MYNN: variants seen among roughly 807,000 people sequenced by gnomAD.
The protein encoded by MYNN is zinc finger and BTB domain-containing protein 31.
In MYNN, 22 loss-of-function variants were observed where a neutral mutation model predicts 57.2. That is an observed-to-expected ratio of 0.38 (90% CI 0.27 to 0.55). MYNN has a LOEUF of 0.55. Ranked by LOEUF, MYNN falls within the 20% of genes least tolerant of loss-of-function variation. MYNN has a pLI of 0.71. For missense variants in MYNN, 566 were observed against 723.1 expected (o/e 0.78, Z 2.49); for synonymous variants, 241 against 257.1 (o/e 0.94, Z 0.60).
At chr3:169,775,675 A>G (rs1180787299) in intron 2 of MYNN, among the ~76,000 whole-genome samples, 2 of 151,644 alleles carry the variant, frequency 1.3e-5, no homozygotes, top group African/African-American at 4.8e-5. Flanking sequence ...TTAATTCCAC[A>G]TTTCTCGGAG....
chr3:169,784,851 G>A (rs1778625861), intron 7 of MYNN, 143 bp downstream of exon 7: 1 of 402,452 alleles, frequency 2.5e-6, no homozygotes, highest in South Asian at 8.7e-5. Flanking sequence ...ATATACATGT[G>A]AGGAAAGTAG....
intron 4 of MYNN, 144 bp downstream of exon 4, chr3:169,780,893 G>A (rs1778492426): frequency 4.1e-6 from 3 of 724,756 alleles, no homozygotes; most frequent in Admixed American, 3.5e-5. Context: ...GAACCACAAG[G>A]AAGCCACAGT....
chr3:169,781,232 C>T, intron 4 of MYNN, among the ~76,000 whole-genome samples: 1 of 152,126 alleles, frequency 6.6e-6, no homozygotes, highest in East Asian at 1.9e-4. Flanking sequence ...TGGGCCTGAA[C>T]CCCTATAAAG....
intron 6 of MYNN, chr3:169,783,765 G>T: frequency 1.6e-6 from 1 of 626,700 alleles, no homozygotes; most frequent in Non-Finnish European, 3.0e-6. Flanking sequence ...TTAAAGAATT[G>T]TGTTGGTTTT....
At position 169,779,033 on chromosome 3, in the gene MYNN, C is replaced by T; in HGVS notation, c.532C>T (p.Gln178Ter). ...KQGALAKKSS[Q>*]TKKKKKAFNS... ...AGGCGCGTTAGCGAAAAAGTCATCTCAAACGAAAAAGAAGAAGAAGGCTTT... is the reference window on the plus strand; with the variant it reads ...AGGCGCGTTAGCGAAAAAGTCATCTTAAACGAAAAAGAAGAAGAAGGCTTT... Residue 178 changes from glutamine to a stop codon, truncating the protein, a stop_gained, in exon 3 of 8, where the codon CAA (glutamine) becomes TAA (stop). Transcript: ENST00000349841. LOFTEE classifies it high-confidence loss of function. 1 of 1,613,968 alleles carries T rather than the reference C, an allele frequency of 6.2e-7. No homozygotes were observed. Among genetic ancestry groups the T allele is most frequent in the Non-Finnish European group, 8.5e-7 (1 of 1,180,016 alleles).
At chr3:169,778,203 C>G (rs1778403873) in intron 2 of MYNN, 1 of 152,740 alleles carries the variant, frequency 6.5e-6, no homozygotes, top group South Asian at 2.1e-4. Context: ...AGAAGAATAC[C>G]CCATCTCAAA....
rs1379210791 is a variant in MYNN at position 169,787,826 on chromosome 3, T to C, written c.*1148T>C. 6.6e-6 allele frequency: 1 copy of C among 152,114 alleles called. No homozygotes were observed. Among genetic ancestry groups the C allele is most frequent in the East Asian group, 1.9e-4 (1 of 5,206 alleles). The allele number at this position is 152,114 out of a possible 1,614,324, so 9.4% of individuals were successfully genotyped here. On this transcript the variant is annotated 3_prime_UTR_variant, in exon 8 of 8. Transcript: ENST00000349841. Reference sequence around the variant, plus strand: ...GAATGTAGAAAATTCGTTATTATCCTGATATTTGCACCACTCATCCCCATG... The same window carrying C: ...GAATGTAGAAAATTCGTTATTATCCCGATATTTGCACCACTCATCCCCATG...
rs1217863172 is a variant in MYNN at position 169,774,527 on chromosome 3, G to C, written c.232G>C (p.Glu78Gln). Residue 78 changes from glutamate to glutamine, a missense_variant, in exon 2 of 8, where the codon GAG becomes CAG. Physicochemically the swap from Glu to Gln is conservative, Grantham distance 29. Coordinates refer to ENST00000349841, the MANE Select transcript of MYNN (RefSeq NM_018657.5). ...GGCTGATGGATTTCAGAAACTGTTG[G>C]AGTTTATATACACAGGAACTTTAAA... ...VKADGFQKLL[E>Q]FIYTGTLNLD... is the part of the protein sequence containing the mutation. 1 of 1,613,822 alleles carries C rather than the reference G, an allele frequency of 6.2e-7. No homozygotes were observed. The highest frequency in any genetic ancestry group is 1.3e-5 in the African/African-American group (1 of 74,916).
chr3:169,780,320 A>G (rs1778474094), intron 3 of MYNN: 1 of 237,552 alleles, frequency 4.2e-6, no homozygotes, highest in African/African-American at 2.3e-5. Flanking sequence ...CGCCTTCCAA[A>G]GTGCTGGGAT....
chr3:169,778,402 A>T (rs1437722151), intron 2 of MYNN: 1 of 169,456 alleles, frequency 5.9e-6, no homozygotes, highest in African/African-American at 2.4e-5. Flanking sequence ...GCCAATCCAG[A>T]AAAGTTGGTT....
chr3:169,786,259 T>C (rs1158929859), intron 7 of MYNN, among the ~76,000 whole-genome samples, 157 bp from the exon 8 acceptor site: 1 of 152,028 alleles, frequency 6.6e-6, no homozygotes, highest in Non-Finnish European at 1.5e-5. Context: ...TGAATTTACA[T>C]AGATAGTGAG....
At chr3:169,775,297 G>A (rs1028288507) in intron 2 of MYNN, among the ~76,000 whole-genome samples, 2 of 152,108 alleles carry the variant, frequency 1.3e-5, no homozygotes, top group Non-Finnish European at 2.9e-5. Flanking sequence ...CCTGTATAAC[G>A]AACCATATAA....
chr3:169,786,284 A>G, intron 7 of MYNN, 132 bp from the exon 8 acceptor site: 1 of 852,542 alleles, frequency 1.2e-6, no homozygotes, highest in Non-Finnish European at 1.8e-6. Context: ...GCATATGTAC[A>G]AAAGAGAAAC....
chr3:169,783,036 A>T (rs1179243384), intron 5 of MYNN, among the ~76,000 whole-genome samples: 6 of 152,106 alleles, frequency 3.9e-5, no homozygotes, highest in Non-Finnish European at 8.8e-5. Context: ...TCCTACACAG[A>T]TATTCTGGGA....
Position 169,787,936 on chromosome 3 carries a change from CCAAT to C in MYNN, c.*1262_*1265del, listed in dbSNP as rs1308383717. ...TTCCACAAAGTCAATTTTTATAGTG[CCAAT>C]CAAACAGCATGGTGATATTCTTTTT... On this transcript the variant is annotated 3_prime_UTR_variant, in exon 8 of 8. Coordinates refer to ENST00000349841, the MANE Select transcript of MYNN (RefSeq NM_018657.5). 1.3e-5 allele frequency: 2 copies of C among 152,050 alleles called. No homozygotes were observed. Among genetic ancestry groups the C allele is most frequent in the African/African-American group, 2.4e-5 (1 of 41,420 alleles). The allele number at this position is 152,050 out of a possible 1,614,324, so 9.4% of individuals were successfully genotyped here. A position where few individuals can be genotyped will look rare whatever the true frequency, so the allele number is the denominator to read the frequency against.
chr3:169,786,424 A>C lies in MYNN; in HGVS notation c.1579A>C (p.Lys527Gln), dbSNP rs777747682. 6.2e-7 allele frequency: 1 copy of C among 1,609,816 alleles called. No homozygotes were observed. The highest frequency in any genetic ancestry group is 1.1e-5 in the South Asian group (1 of 90,880). Residue 527 changes from lysine to glutamine, a missense_variant, in exon 8 of 8, where the codon AAA becomes CAA. Lys to Gln is a moderately conservative substitution (Grantham distance 53). Coordinates refer to ENST00000349841, the MANE Select transcript of MYNN (RefSeq NM_018657.5). Reference protein sequence around the residue: ...HKTKVHSGADKTLDSSAEDHT... With the variant: ...HKTKVHSGADQTLDSSAEDHT... ...TTTTCCTTCCATTCTAGGTGCAGAT[A>C]AAACTCTAGACTCCAGTGCAGAGGA...
intron 3 of MYNN, chr3:169,780,265 A>C (rs1778471137): frequency 5.9e-6 from 1 of 168,552 alleles, no homozygotes; most frequent in South Asian, 1.7e-4. Context: ...TCACCATGTT[A>C]GCCAGGATGG....
intron 3 of MYNN, chr3:169,779,942 T>C (rs780551956): frequency 2.6e-4 from 54 of 205,692 alleles, no homozygotes; most frequent in Non-Finnish European, 5.0e-4. Flanking sequence ...CTTCTGAACA[T>C]GTTCATTGGA....
At chr3:169,781,075 G>A (rs1456995813) in intron 4 of MYNN, among the ~76,000 whole-genome samples, 1 of 152,214 alleles carries the variant, frequency 6.6e-6, no homozygotes, top group East Asian at 1.9e-4. Flanking sequence ...ACCCAAGCAA[G>A]GGTGATGGTG....
Sources: gnomAD v4.1 joint callset for allele counts (sites outside exome capture counted in the v4.1 genomes callset) on GRCh38, gnomAD v4.1.1 for gene constraint, MANE v1.5 for transcripts, NCBI Gene and HGNC (gene_info 2026-07-23, HGNC 2026-07-21) for gene names.